Variants in GFI1 observed in about 807,000 individuals in gnomAD.
The protein encoded by GFI1 is growth factor independent 1 transcriptional repressor, also known as zinc finger protein Gfi-1.
Under a neutral mutation model 39.2 loss-of-function variants are expected in GFI1, and 15 were observed. The ratio of observed to expected loss-of-function variants is 0.38; its 90% CI spans 0.26 to 0.59. The LOEUF is 0.59. GFI1 is among the 20% of genes least tolerant of loss of function. The probability of loss-of-function intolerance (pLI) is 0.62; values close to 1 mark genes in which losing one functional copy is unlikely to be tolerated. For missense variants in GFI1, 475 were observed against 574.0 expected (o/e 0.83, Z 1.76); for synonymous variants, 239 against 254.3 (o/e 0.94, Z 0.57).
Position 92,482,937 on chromosome 1 carries a change from G to C in GFI1, c.225C>G (p.Cys75Trp), listed in dbSNP as rs763419577. The change falls in exon 3 of 7, where the codon TGC becomes TGG. Residue 75 changes from cysteine (C) to tryptophan (W), a missense_variant. Physicochemically the swap from Cys to Trp is radical, Grantham distance 215. This residue lies in a region of GFI1 where 275 missense variants were observed against 275.8 expected (regional missense o/e 1.00). Coordinates refer to ENST00000294702, the MANE Select transcript of GFI1 (RefSeq NM_005263.5). The surrounding 1 kb of genome is among the most constrained non-coding windows in gnomAD (Gnocchi z 4.4). ...PDRASASPDSCEGSVCERSSE... is the reference protein window; with the variant it reads ...PDRASASPDSWEGSVCERSSE... Reference sequence around the variant, plus strand: ...AGCTCCGTTCGCAGACGCTGCCTTCGCAGCTGTCTGGGGATGCGGAGGCTC... The same window carrying C: ...AGCTCCGTTCGCAGACGCTGCCTTCCCAGCTGTCTGGGGATGCGGAGGCTC... 6.2e-7 allele frequency: 1 copy of C among 1,614,006 alleles called. No individual in the cohort carries two copies. Among genetic ancestry groups the C allele is most frequent in the Non-Finnish European group, 8.5e-7 (1 of 1,179,940 alleles).
chr1:92,480,849 C>T lies in GFI1; in HGVS notation c.538G>A (p.Gly180Arg), dbSNP rs529448705. Residue 180 changes from glycine (G) to arginine (R), a missense_variant, in exon 4 of 7, where the codon GGG becomes AGG. Physicochemically the swap from Gly to Arg is moderately radical, Grantham distance 125. Coordinates refer to ENST00000294702, the MANE Select transcript of GFI1 (RefSeq NM_005263.5). The surrounding 1 kb of genome is among the most constrained non-coding windows in gnomAD (Gnocchi z 5.6). ...PKRAAGGAGA[G>R]APGSCSAGAG... ...CCTGCGCTGCAGCTCCCTGGCGCCC[C>T]GGCCCCCGCGCCGCCGGCAGCCCGC... 3.6e-5 allele frequency: 53 copies of T among 1,470,190 alleles called. No individual in the cohort carries two copies. In the African/African-American group the frequency reaches 6.7e-4, roughly 19 times the overall value. The allele number at this position is 1,470,190 out of a possible 1,614,324, so 91.1% of individuals were successfully genotyped here.
chr1:92,484,857 G>A lies in GFI1; in HGVS notation c.-99-1271C>T, dbSNP rs1345990184. ...AGTACAGCAGTTCTCCGTGGCCTCG[G>A]CTGGTTCAGAAACGAGGGTGCTGGG... is the stretch of plus-strand genomic sequence containing the variant. On this transcript the variant is annotated intron_variant, in intron 1 of 6. Coordinates refer to ENST00000294702, the MANE Select transcript of GFI1 (RefSeq NM_005263.5). The surrounding 1 kb of genome is among the most constrained non-coding windows in gnomAD (Gnocchi z 4.1). Among the ~76,000 whole-genome samples, 1 of 152,242 alleles carries A rather than the reference G, an allele frequency of 6.6e-6. No individual in the cohort carries two copies. The highest frequency in any genetic ancestry group is 1.5e-5 in the Non-Finnish European group (1 of 68,040).
intron 6 of GFI1, 101 bp from the exon 7 acceptor site, chr1:92,476,308 AC>A: frequency 8.8e-7 from 1 of 1,131,406 alleles, no homozygotes; most frequent in Non-Finnish European, 1.3e-6. Context: ...TGGTTGCACC[AC>A]AGTCTAAGGC....
intron 1 of GFI1, 59 bp downstream of exon 1, chr1:92,486,667 C>T (rs2101590567): frequency 6.6e-6 from 1 of 152,056 alleles, no homozygotes; most frequent in African/African-American, 2.4e-5. Flanking sequence ...CCGCAGGCCC[C>T]GAAATAGCTT....
In GFI1 at chr1:92,481,952, T is replaced by TGCGCGCGC. The variant is rs1553163125; in HGVS notation, c.299-865_299-864insGCGCGCGC. Reference sequence around the variant, plus strand: ...ATTTACAAATGTGTGTGTGTGTGTGTGCGCACAACACTCCAGTTCAGGCTG... The same window carrying TGCGCGCGC: ...ATTTACAAATGTGTGTGTGTGTGTGTGCGCGCGCGCGCACAACACTCCAGTTCAGGCTG... On this transcript the variant is annotated intron_variant, in intron 3 of 6. Coordinates refer to ENST00000294702, the MANE Select transcript of GFI1 (RefSeq NM_005263.5). This position sits in a 1 kb window ranked among gnomAD's most constrained non-coding sequence, Gnocchi z 4.3. Among the ~76,000 whole-genome samples the TGCGCGCGC allele has an allele frequency of 0.83, 123,803 of 148,708 alleles. 52,210 individuals are homozygous for TGCGCGCGC. Among genetic ancestry groups the TGCGCGCGC allele is most frequent in the South Asian group, 0.92 (4,306 of 4,682 alleles).
Position 92,483,033 on chromosome 1 carries a change from A to C in GFI1, c.129T>G (p.Asn43Lys). Reference protein sequence around the residue: ...PAPSRADSTSNAGGAKAEPRD... With the variant: ...PAPSRADSTSKAGGAKAEPRD... Reference sequence around the variant, plus strand: ...GGGGCTCCGCCTTCGCCCCGCCTGCATTTGAAGTGCTGTCTGCAAAGAGGA... The same window carrying C: ...GGGGCTCCGCCTTCGCCCCGCCTGCCTTTGAAGTGCTGTCTGCAAAGAGGA... The change falls in exon 3 of 7, where the codon AAT becomes AAG. Residue 43 changes from asparagine (N) to lysine (K), a missense_variant. Transcript: ENST00000294702. The C allele has an allele frequency of 6.3e-6, 10 of 1,595,700 alleles. No individual in the cohort carries two copies. Among genetic ancestry groups the C allele is most frequent in the Non-Finnish European group, 7.7e-6 (9 of 1,172,658 alleles).
In GFI1 at chr1:92,475,820, C is replaced by CT. The variant is rs1402146327; in HGVS notation, c.*208dup. On this transcript the variant is annotated 3_prime_UTR_variant, in exon 7 of 7. Transcript: ENST00000294702. ...CCTAGAGAGTCACTTGGTTCTCACT[C>CT]TCGGCTGCACTTTGAAAAGGTACCT... 1 of 598,710 alleles carries CT rather than the reference C, an allele frequency of 1.7e-6. No homozygotes were observed. Among genetic ancestry groups the CT allele is most frequent in the Non-Finnish European group, 3.0e-6 (1 of 333,846 alleles). The allele number at this position is 598,710 out of a possible 1,614,324, so 37.1% of individuals were successfully genotyped here.
intron 6 of GFI1, among the ~76,000 whole-genome samples, chr1:92,478,206 G>A (rs1394159093): frequency 6.6e-6 from 1 of 152,186 alleles, no homozygotes; most frequent in Non-Finnish European, 1.5e-5. Context: ...AAAAGGCCAG[G>A]TGGTTAGGGA....
Position 92,482,055 on chromosome 1 carries a change from G to A in GFI1, c.298+809C>T, listed in dbSNP as rs894808822. Among the ~76,000 whole-genome samples the A allele has an allele frequency of 4.6e-5, 7 of 151,996 alleles. No individual in the cohort carries two copies. Among genetic ancestry groups the A allele is most frequent in the Non-Finnish European group, 7.4e-5 (5 of 68,008 alleles). ...GCGCCCAATCCTTGTCTGGCCACTT[G>A]ACGCCCTGGCAGGAAGAATCCTCCC... On this transcript the variant is annotated intron_variant, in intron 3 of 6. Coordinates refer to ENST00000294702, the MANE Select transcript of GFI1 (RefSeq NM_005263.5). This position sits in a 1 kb window ranked among gnomAD's most constrained non-coding sequence, Gnocchi z 4.4.
Position 92,483,378 on chromosome 1 carries a change from C to T in GFI1, c.110G>A (p.Arg37Gln), listed in dbSNP as rs766059107. 3.1e-6 allele frequency: 5 copies of T among 1,598,810 alleles called. No homozygotes were observed. The highest frequency in any genetic ancestry group is 4.3e-6 in the Non-Finnish European group (5 of 1,167,092). ...LRLENVPAPS[R>Q]ADSTSNAGGA... ...GGCCCGCGCGCGCCTCGCACCTGCT[C>T]GGCTAGGCGCCGGTACATTCTCTAA... The change falls in exon 2 of 7, where the codon CGA becomes CAA. Residue 37 changes from arginine to glutamine, a missense_variant. Physicochemically the swap from Arg to Gln is conservative, Grantham distance 43. Transcript: ENST00000294702.
At chr1:92,478,861 C>G in intron 5 of GFI1, 108 bp from the exon 6 acceptor site, 1 of 1,430,396 alleles carries the variant, frequency 7.0e-7, no homozygotes, top group Non-Finnish European at 9.6e-7. Flanking sequence ...CCTAAAATCC[C>G]TTGAACACTT....
At chr1:92,483,175 A>G in intron 2 of GFI1, 129 bp from the exon 3 acceptor site, 1 of 906,408 alleles carries the variant, frequency 1.1e-6, no homozygotes, top group South Asian at 1.7e-5. Context: ...CCGGCCGGGA[A>G]CCCTCTCGGA....
chr1:92,475,544 T>A lies in GFI1; in HGVS notation c.*485A>T. On this transcript the variant is annotated 3_prime_UTR_variant, in exon 7 of 7. Transcript: ENST00000294702. ...AACAGACCCCCCAGAAGGAAAAAAA[T>A]AAAAGTTAACACTCACTCTTCTTTC... 5.7e-6 allele frequency: 1 copy of A among 174,316 alleles called. No individual in the cohort carries two copies. The highest frequency in any genetic ancestry group is 1.3e-4 in the South Asian group (1 of 7,976). The allele number at this position is 174,316 out of a possible 1,614,324, so 10.8% of individuals were successfully genotyped here. A position where few individuals can be genotyped will look rare whatever the true frequency, so the allele number is the denominator to read the frequency against.
rs922966533 is a variant in GFI1, at chr1:92,473,907, C to G, written c.*2122G>C. On this transcript the variant is annotated 3_prime_UTR_variant, in exon 7 of 7. Transcript: ENST00000294702. ...GCTTCGTAAGACATTGTCCTCACTG[C>G]TATATCTCCACCCCCTAGAAGAATG... 1.3e-5 allele frequency among the ~76,000 whole-genome samples: 2 copies of G among 152,210 alleles called. No individual in the cohort carries two copies. The highest frequency in any genetic ancestry group is 2.9e-5 in the Non-Finnish European group (2 of 68,030).
At chr1:92,486,481 C>T (rs1250401792) in intron 1 of GFI1, among the ~76,000 whole-genome samples, 1 of 152,062 alleles carries the variant, frequency 6.6e-6, no homozygotes, top group Non-Finnish European at 1.5e-5. Context: ...GGGGGGCGCC[C>T]CGCTCCGAGG....
intron 6 of GFI1, among the ~76,000 whole-genome samples, chr1:92,476,973 A>C (rs2101558393): frequency 6.6e-6 from 1 of 152,352 alleles, no homozygotes; most frequent in African/African-American, 2.4e-5. Context: ...ATAAGAGAAC[A>C]CAAGAAGGTT....
In GFI1 at chr1:92,480,565, G is replaced by C. The variant is rs936881326; in HGVS notation, c.786+36C>G. The C allele has an allele frequency of 6.5e-7, 1 of 1,540,916 alleles. No individual in the cohort carries two copies. The highest frequency in any genetic ancestry group is 8.7e-7 in the Non-Finnish European group (1 of 1,145,112). ...CGAGGCGCGGGTAGGGGAAGCGGGCGCACGGCAGGCGAGGTGGTGAGCTCG... is the reference window on the plus strand; with the variant it reads ...CGAGGCGCGGGTAGGGGAAGCGGGCCCACGGCAGGCGAGGTGGTGAGCTCG... On this transcript the variant is annotated intron_variant, in intron 4 of 6. Transcript: ENST00000294702. The surrounding 1 kb of genome is among the most constrained non-coding windows in gnomAD (Gnocchi z 5.6).
Position 92,482,903 on chromosome 1 carries a change from C to T in GFI1, c.259G>A (p.Glu87Lys), listed in dbSNP as rs1360397106. The T allele has an allele frequency of 2.5e-6, 4 of 1,614,164 alleles. No homozygotes were observed. The highest frequency in any genetic ancestry group is 3.4e-6 in the Non-Finnish European group (4 of 1,180,026). Reference sequence around the variant, plus strand: ...GGTGACGGGGGCCTCCAGAAGTCCTCAAACTCCGAGCTCCGTTCGCAGACG... The same window carrying T: ...GGTGACGGGGGCCTCCAGAAGTCCTTAAACTCCGAGCTCCGTTCGCAGACG... ...GSVCERSSEF[E>K]DFWRPPSPSA... The change falls in exon 3 of 7, where the codon GAG becomes AAG. Residue 87 changes from glutamate (E) to lysine (K), a missense_variant. Around this residue, in one of 4 missense-constraint regions of GFI1, gnomAD observed 275 missense variants for 275.8 expected, o/e 1.00. Transcript: ENST00000294702. This position sits in a 1 kb window ranked among gnomAD's most constrained non-coding sequence, Gnocchi z 4.4.
At position 92,483,569 on chromosome 1, in the gene GFI1, C is replaced by T; in HGVS notation, c.-82G>A. 1.2e-6 allele frequency: 1 copy of T among 819,850 alleles called. No homozygotes were observed. Among genetic ancestry groups the T allele is most frequent in the Non-Finnish European group, 2.1e-6 (1 of 478,548 alleles). The allele number at this position is 819,850 out of a possible 1,614,324, so 50.8% of individuals were successfully genotyped here. A position where few individuals can be genotyped will look rare whatever the true frequency, so the allele number is the denominator to read the frequency against. On this transcript the variant is annotated 5_prime_UTR_variant, in exon 2 of 7. Coordinates refer to ENST00000294702, the MANE Select transcript of GFI1 (RefSeq NM_005263.5). ...ACGGTCACTCCGAGGGCTTGCTCAG[C>T]CCCAGCCCGGAGGAGACCTGAGAGG...
Sources: gnomAD v4.1 joint callset for allele counts (sites outside exome capture counted in the v4.1 genomes callset) on GRCh38, gnomAD v4.1.1 for gene constraint, gnomAD v4.1.1 regional missense constraint, Gnocchi (gnomAD v3.1) non-coding constraint, MANE v1.5 for transcripts, NCBI Gene and HGNC (gene_info 2026-07-23, HGNC 2026-07-21) for gene names.